ERBB4: variants seen among roughly 807,000 people sequenced by gnomAD.
ERBB4 encodes erb-b2 receptor tyrosine kinase 4.
ERBB4 carries 42 observed loss-of-function variants against 158.0 expected under a neutral mutation model. The observed-to-expected ratio is 0.27, with a 90% CI of 0.21 to 0.34. ERBB4 has a LOEUF of 0.34. ERBB4 is among the 10% of genes least tolerant of loss of function. The pLI is 1.00. For missense variants in ERBB4, 1,333 were observed against 1,624.1 expected (o/e 0.82, Z 3.08); for synonymous variants, 583 against 558.7 (o/e 1.04, Z -0.61).
chr2:211,874,177 G>A (rs9288443), intron 3 of ERBB4, among the ~76,000 whole-genome samples: 124,180 of 151,994 alleles, frequency 0.82, 50,913 homozygotes, highest in Non-Finnish European at 0.85. Flanking sequence ...AAAAAAACCT[G>A]CTGCTCTCAT....
intron 20 of ERBB4, among the ~76,000 whole-genome samples, chr2:211,548,013 A>G (rs11895509): frequency 0.89 from 135,178 of 152,082 alleles, 60,741 homozygotes; most frequent in African/African-American, 0.97. Context: ...CTAAGTGAGA[A>G]ACCTTCATAT....
At chr2:211,500,767 C>G (rs376674208) in intron 20 of ERBB4, among the ~76,000 whole-genome samples, 84 of 151,976 alleles carry the variant, frequency 5.5e-4, no homozygotes, top group African/African-American at 2.0e-3. Context: ...TTTTTGAAAG[C>G]TAAATTTTGA....
intron 1 of ERBB4, among the ~76,000 whole-genome samples, chr2:212,237,042 C>A (rs889967188): frequency 6.6e-6 from 1 of 151,972 alleles, no homozygotes; most frequent in Non-Finnish European, 1.5e-5. Flanking sequence ...TTCTCTAGTT[C>A]TTTTAATTGT....
intron 1 of ERBB4, among the ~76,000 whole-genome samples, chr2:212,528,207 AT>A (rs1692557624): frequency 6.6e-6 from 1 of 152,122 alleles, no homozygotes; most frequent in African/African-American, 2.4e-5. Flanking sequence ...AAGATCTGGC[AT>A]GCTAAGCATC....
intron 19 of ERBB4, among the ~76,000 whole-genome samples, chr2:211,618,063 A>G (rs1313210990): frequency 6.6e-6 from 1 of 152,000 alleles, no homozygotes; most frequent in African/African-American, 2.4e-5. Context: ...ATTGACCTTA[A>G]AAAGTACTTT....
At chr2:211,473,406 T>TA (rs2125531360) in intron 20 of ERBB4, among the ~76,000 whole-genome samples, 1 of 152,216 alleles carries the variant, frequency 6.6e-6, no homozygotes, top group South Asian at 2.1e-4. Flanking sequence ...TCATTTGCTT[T>TA]AGGCCACCAG....
At chr2:211,530,104 A>T (rs1362753735) in intron 20 of ERBB4, among the ~76,000 whole-genome samples, 2 of 152,070 alleles carry the variant, frequency 1.3e-5, no homozygotes, top group Non-Finnish European at 2.9e-5. Context: ...AAACCTAAAG[A>T]CTCCACCAAA....
At chr2:212,395,587 C>A (rs778145766) in intron 1 of ERBB4, among the ~76,000 whole-genome samples, 44 of 147,842 alleles carry the variant, frequency 3.0e-4, no homozygotes, top group Non-Finnish European at 5.6e-4. Context: ...GTATTAATGA[C>A]AGGACAGAAT....
chr2:211,879,126 C>A (rs945939406), intron 3 of ERBB4, among the ~76,000 whole-genome samples: 9 of 152,060 alleles, frequency 5.9e-5, no homozygotes, highest in African/African-American at 2.2e-4. Context: ...TATCTACATT[C>A]TTTTCCCCTA....
chr2:212,325,028 C>T (rs1186034579), intron 1 of ERBB4, among the ~76,000 whole-genome samples: 1 of 149,286 alleles, frequency 6.7e-6, no homozygotes, highest in Non-Finnish European at 1.5e-5. Context: ...CAAAAAAAAA[C>T]TCTAGGCCTC....
chr2:211,887,810 A>G lies in ERBB4; in HGVS notation c.421+59620T>C, dbSNP rs74498288. Reference sequence around the variant, plus strand: ...GTCGGTCTGCCTCTCCTAGAACATAATATCCAAGAGGGTATGGATTTGAAT... The same window carrying G: ...GTCGGTCTGCCTCTCCTAGAACATAGTATCCAAGAGGGTATGGATTTGAAT... On this transcript the variant is annotated intron_variant, in intron 3 of 27. Transcript: ENST00000342788. Among the ~76,000 whole-genome samples, 421 of 152,300 alleles carry G rather than the reference A, an allele frequency of 2.8e-3. 2 individuals carry two copies. Among genetic ancestry groups the G allele is most frequent in the African/African-American group, 9.5e-3 (394 of 41,566 alleles).
intron 5 of ERBB4, among the ~76,000 whole-genome samples, chr2:211,735,093 T>C (rs546259631): frequency 4.4e-4 from 67 of 152,126 alleles, no homozygotes; most frequent in African/African-American, 1.6e-3. Flanking sequence ...TAAATATAAA[T>C]ACACACACAT....
chr2:211,708,368 G>T (rs572047236), intron 9 of ERBB4, among the ~76,000 whole-genome samples: 1 of 151,998 alleles, frequency 6.6e-6, no homozygotes. Flanking sequence ...AGGTTTAAGC[G>T]CTATGATTAA....
rs569590248 is a variant in ERBB4 at position 211,628,663 on chromosome 2, A to C, written c.2079+1799T>G. On this transcript the variant is annotated intron_variant, in intron 17 of 27. Coordinates refer to ENST00000342788, the MANE Select transcript of ERBB4 (RefSeq NM_005235.3). Reference sequence around the variant, plus strand: ...ATGTGTCTTTATAGCAGCATGATTTATAATCCTTTGGGTATATACCCAGTA... The same window carrying C: ...ATGTGTCTTTATAGCAGCATGATTTCTAATCCTTTGGGTATATACCCAGTA... Among the ~76,000 whole-genome samples, 104 of 152,344 alleles carry C rather than the reference A, an allele frequency of 6.8e-4. 1 individual carries two copies. The highest frequency in any genetic ancestry group is 3.4e-3 in the Middle Eastern group (1 of 294).
chr2:212,186,065 T>C (rs1275023438), intron 1 of ERBB4, among the ~76,000 whole-genome samples: 1 of 152,196 alleles, frequency 6.6e-6, no homozygotes, highest in African/African-American at 2.4e-5. Context: ...TTTAATTGTC[T>C]GTCACCTAAC....
At chr2:211,703,387 A>G (rs779985267) in intron 11 of ERBB4, among the ~76,000 whole-genome samples, 11 of 152,178 alleles carry the variant, frequency 7.2e-5, no homozygotes, top group South Asian at 2.1e-4. Flanking sequence ...TTAAATTTTA[A>G]TAGTGAAATT....
Position 211,388,002 on chromosome 2 carries a change from A to G in ERBB4, c.3136-10T>C, listed in dbSNP as rs1052792911. 6.3e-7 allele frequency: 1 copy of G among 1,586,976 alleles called. No homozygotes were observed. Among genetic ancestry groups the G allele is most frequent in the African/African-American group, 1.3e-5 (1 of 74,444 alleles). Reference sequence around the variant, plus strand: ...TGTGTCCAATTTCACTCTAATAGGAAAGAAAAATGGAATGATGGATATAAT... The same window carrying G: ...TGTGTCCAATTTCACTCTAATAGGAGAGAAAAATGGAATGATGGATATAAT... On this transcript the variant is annotated splice_polypyrimidine_tract_variant and intron_variant, in intron 25 of 27. Coordinates refer to ENST00000342788, the MANE Select transcript of ERBB4 (RefSeq NM_005235.3).
chr2:211,763,897 T>TACACACACATACACACAC (rs2075480033), intron 4 of ERBB4, among the ~76,000 whole-genome samples: 1 of 149,968 alleles, frequency 6.7e-6, no homozygotes, highest in Non-Finnish European at 1.5e-5. Context: ...TGCGTGTGTA[T>TACACACACATACACACAC]ACACACACAC....
intron 19 of ERBB4, among the ~76,000 whole-genome samples, chr2:211,592,187 G>T (rs910107535): frequency 1.7e-5 from 1 of 58,312 alleles, no homozygotes. Flanking sequence ...CCCGGTAGAC[G>T]CAGGGCTTTG....
Sources: allele counts gnomAD v4.1 joint callset (sites outside exome capture counted in the v4.1 genomes callset), GRCh38; gene constraint gnomAD v4.1.1; transcripts MANE v1.5; gene names NCBI Gene and HGNC (gene_info 2026-07-23, HGNC 2026-07-21).